The following NALF1 variants were observed in gnomAD, a reference collection of about 807,000 sequenced individuals.
NALF1 encodes NALCN channel auxiliary factor 1, also known as family with sequence similarity 155 member A.
Under a neutral mutation model 48.4 loss-of-function variants are expected in NALF1, and 3 were observed. That is an observed-to-expected ratio of 0.06 (90% CI 0.03 to 0.16). The LOEUF (loss-of-function observed/expected upper bound fraction) is 0.16, where lower values mean the gene tolerates loss of function less well. Among genes scored for constraint, NALF1 ranks in the 10% least tolerant of loss-of-function variants. The probability of loss-of-function intolerance (pLI) is 1.00; values close to 1 mark genes in which losing one functional copy is unlikely to be tolerated. For missense variants in NALF1, 526 were observed against 571.5 expected (o/e 0.92, Z 0.81); for synonymous variants, 262 against 245.7 (o/e 1.07, Z -0.62).
chr13:107,257,088 G>A (rs895670337), intron 1 of NALF1, among the ~76,000 whole-genome samples: 1 of 152,078 alleles, frequency 6.6e-6, no homozygotes, highest in Non-Finnish European at 1.5e-5. Flanking sequence ...CCACAAGAGA[G>A]ACAGAGAGAC....
chr13:107,558,943 G>A (rs970714038), intron 1 of NALF1, among the ~76,000 whole-genome samples: 1 of 152,144 alleles, frequency 6.6e-6, no homozygotes, highest in Non-Finnish European at 1.5e-5. Context: ...CCACACCCTT[G>A]GCTCAGTGCT....
intron 1 of NALF1, among the ~76,000 whole-genome samples, chr13:107,314,857 G>A (rs969272441): frequency 1.4e-4 from 21 of 152,164 alleles, no homozygotes; most frequent in African/African-American, 5.1e-4. Context: ...GAACTGACGA[G>A]TGAAAGCTCA....
chr13:107,761,757 C>A (rs1310837817), intron 1 of NALF1, among the ~76,000 whole-genome samples: 1 of 152,176 alleles, frequency 6.6e-6, no homozygotes, highest in Non-Finnish European at 1.5e-5. Context: ...CATAACAGGA[C>A]TTCATATTCA....
At position 107,762,303 on chromosome 13, in the gene NALF1, G is replaced by A. The variant is rs898856231; in HGVS notation, c.915+103379C>T. On this transcript the variant is annotated intron_variant, in intron 1 of 2. Transcript: ENST00000375915. ...GGAAATAACAAGGTGTCATGTGAGA[G>A]CACATATTGGGTGTAAATCTCCCAC... Among the ~76,000 whole-genome samples, 6 of 152,198 alleles carry A rather than the reference G, an allele frequency of 3.9e-5. No homozygotes were observed. The East Asian group carries it at 1.2e-3, about 29-fold the overall frequency.
At chr13:107,690,431 A>G (rs1010308171) in intron 1 of NALF1, among the ~76,000 whole-genome samples, 2 of 152,224 alleles carry the variant, frequency 1.3e-5, no homozygotes, top group African/African-American at 4.8e-5. Flanking sequence ...GGAGAATTCA[A>G]TGTAGGACAT....
rs766857125 is a variant in NALF1, at chr13:107,671,048, A to G, written c.915+194634T>C. Among the ~76,000 whole-genome samples the G allele has an allele frequency of 3.3e-5, 5 of 152,182 alleles. No individual in the cohort carries two copies. In the South Asian group the frequency reaches 6.2e-4, roughly 19 times the overall value. ...TCTCAGATGTGCAACTTCCTTATCA[A>G]TCGAAAATGTTGTATGTTCAACTCA... On this transcript the variant is annotated intron_variant, in intron 1 of 2. Coordinates refer to ENST00000375915, the MANE Select transcript of NALF1 (RefSeq NM_001080396.3).
In NALF1 at chr13:107,176,135, C is replaced by A. The variant is rs548616849; in HGVS notation, c.1088-5349G>T. On this transcript the variant is annotated intron_variant, in intron 2 of 2. Transcript: ENST00000375915. Reference sequence around the variant, plus strand: ...ACATATTTCCAAACAAAAATAATTTCTCAAACAAGAACCTCCTTGCACAAA... The same window carrying A: ...ACATATTTCCAAACAAAAATAATTTATCAAACAAGAACCTCCTTGCACAAA... 9.9e-5 allele frequency among the ~76,000 whole-genome samples: 15 copies of A among 152,266 alleles called. No individual in the cohort carries two copies. The South Asian group carries it at 3.1e-3, about 32-fold the overall frequency.
chr13:107,866,718 CCTCT>C lies in NALF1; in HGVS notation c.-126_-123del, dbSNP rs35028871. 0.33 allele frequency: 234,526 copies of C among 700,170 alleles called. 46,871 individuals carry two copies. The highest frequency in any genetic ancestry group is 0.41 in the Non-Finnish European group (171,780 of 420,222). 43.4% of individuals were successfully genotyped at this position (700,170 alleles called of 1,614,324 possible). On this transcript the variant is annotated 5_prime_UTR_variant, in exon 1 of 3. Transcript: ENST00000375915. This position sits in a 1 kb window ranked among gnomAD's most constrained non-coding sequence, Gnocchi z 4.4. The stretch of plus-strand genomic sequence containing the variant: ...TCCCCTCCTCCCGTTTCTTCTCTCT[CCTCT>C]CTCTCTTTCTCTCTCTTCCCCTCTC...
intron 2 of NALF1, among the ~76,000 whole-genome samples, chr13:107,193,317 C>A (rs999947229): frequency 6.6e-6 from 1 of 151,994 alleles, no homozygotes; most frequent in Non-Finnish European, 1.5e-5. Context: ...TTTTTACTGT[C>A]TAGAATAGGC....
chr13:107,358,736 A>C (rs541101497), intron 1 of NALF1, among the ~76,000 whole-genome samples: 20 of 152,324 alleles, frequency 1.3e-4, no homozygotes, highest in African/African-American at 4.8e-4. Flanking sequence ...TCTTATCAAC[A>C]TTCTCCATGT....
At chr13:107,542,235 A>C (rs1877018218) in intron 1 of NALF1, among the ~76,000 whole-genome samples, 1 of 152,144 alleles carries the variant, frequency 6.6e-6, no homozygotes, top group Admixed American at 6.6e-5. Flanking sequence ...GACACAATAA[A>C]CCACATATTA....
At chr13:107,436,592 C>T (rs1057389180) in intron 1 of NALF1, among the ~76,000 whole-genome samples, 7 of 152,110 alleles carry the variant, frequency 4.6e-5, no homozygotes, top group African/African-American at 1.7e-4. Flanking sequence ...TTATAATAAG[C>T]ATCTACCAAA....
intron 1 of NALF1, among the ~76,000 whole-genome samples, chr13:107,246,813 A>C (rs1226348940): frequency 6.6e-6 from 1 of 152,178 alleles, no homozygotes; most frequent in Non-Finnish European, 1.5e-5. Flanking sequence ...ATGTTTGGAC[A>C]TAGAAAAGAG....
At chr13:107,245,681 C>T (rs755818619) in intron 1 of NALF1, among the ~76,000 whole-genome samples, 3 of 152,062 alleles carry the variant, frequency 2.0e-5, no homozygotes, top group Non-Finnish European at 2.9e-5. Flanking sequence ...ATCACCCAGG[C>T]GGGAAGAAGT....
intron 1 of NALF1, among the ~76,000 whole-genome samples, chr13:107,487,613 A>T (rs1036221665): frequency 1.3e-5 from 2 of 152,152 alleles, no homozygotes; most frequent in Non-Finnish European, 2.9e-5. Flanking sequence ...CCAACCTTGG[A>T]TTCCGCAGAT....
At chr13:107,432,382 T>G (rs941938976) in intron 1 of NALF1, among the ~76,000 whole-genome samples, 4 of 152,244 alleles carry the variant, frequency 2.6e-5, no homozygotes, top group Middle Eastern at 3.4e-3. Context: ...TCATCACAAA[T>G]TTCTTGGCAA....
intron 1 of NALF1, among the ~76,000 whole-genome samples, chr13:107,392,385 C>T (rs1354595199): frequency 3.9e-5 from 6 of 152,128 alleles, no homozygotes; most frequent in Non-Finnish European, 8.8e-5. Flanking sequence ...ACTCAGCACC[C>T]TCAATCTCTT....
rs187415883 is a variant in NALF1 at position 107,557,019 on chromosome 13, G to A, written c.915+308663C>T. ...TCAACCTCTGAAATATCATGTGTTG[G>A]GTTATGATTTAGTGTACAACAGTAC... is the stretch of plus-strand genomic sequence containing the variant. On this transcript the variant is annotated intron_variant, in intron 1 of 2. Transcript: ENST00000375915. Among the ~76,000 whole-genome samples, 54 of 152,182 alleles carry A rather than the reference G, an allele frequency of 3.5e-4. 1 individual carries two copies. The East Asian group carries it at 8.1e-3, about 23-fold the overall frequency.
chr13:107,346,358 A>T (rs1882773062), intron 1 of NALF1, among the ~76,000 whole-genome samples: 1 of 152,206 alleles, frequency 6.6e-6, no homozygotes, highest in African/African-American at 2.4e-5. Context: ...CGCAATATCC[A>T]AGAGGCAGAC....
Sources: allele counts gnomAD v4.1 joint callset (sites outside exome capture counted in the v4.1 genomes callset), GRCh38; gene constraint gnomAD v4.1.1; non-coding constraint Gnocchi (gnomAD v3.1); transcripts MANE v1.5; gene names NCBI Gene and HGNC (gene_info 2026-07-23, HGNC 2026-07-21).